POLD3: variants seen among roughly 807,000 people sequenced by gnomAD.
POLD3 encodes DNA polymerase delta subunit 3.
POLD3 carries 19 observed loss-of-function variants against 58.2 expected under a neutral mutation model. That is an observed-to-expected ratio of 0.33 (90% CI 0.23 to 0.48). The LOEUF is 0.48. Ranked by LOEUF, POLD3 falls within the 20% of genes least tolerant of loss-of-function variation. The pLI, the probability that POLD3 is intolerant of heterozygous loss-of-function variation, is 0.99. For missense variants in POLD3, 504 were observed against 545.5 expected, an observed-to-expected ratio of 0.92 and a Z score of 0.76; for synonymous variants, 172 against 193.5, an observed-to-expected ratio of 0.89 and a Z score of 0.92.
intron 3 of POLD3, among the ~76,000 whole-genome samples, chr11:74,609,373 T>TATATATATATATA (rs1491467177): frequency 2.4e-3 from 39 of 15,954 alleles, no homozygotes; most frequent in South Asian, 9.2e-3. Flanking sequence ...TATATATATA[T>TATATATATATATA]TTTTTTTTTT....
At chr11:74,656,521 A>G (rs2033137088) in intron 4 of POLD3, among the ~76,000 whole-genome samples, 1 of 152,070 alleles carries the variant, frequency 6.6e-6, no homozygotes, top group African/African-American at 2.4e-5. Context: ...CGGGAGGCGG[A>G]GGTTGCAGTG....
intron 2 of POLD3, among the ~76,000 whole-genome samples, chr11:74,599,120 C>G (rs1223777494): frequency 6.6e-6 from 1 of 152,132 alleles, no homozygotes; most frequent in Non-Finnish European, 1.5e-5. Flanking sequence ...TTAGCCATGA[C>G]CTCCTAGGCT....
At chr11:74,593,978 A>T (rs2031129701) in intron 1 of POLD3, 83 bp from the exon 2 acceptor site, 1 of 744,096 alleles carries the variant, frequency 1.3e-6, no homozygotes, top group South Asian at 1.6e-5. Context: ...TAAGAATAGG[A>T]ATCTTTAGCA....
In POLD3 at chr11:74,634,576, A is replaced by C; in HGVS notation, c.1007-7A>C. 1 of 1,489,952 alleles carries C rather than the reference A, an allele frequency of 6.7e-7. No homozygotes were observed. Among genetic ancestry groups the C allele is most frequent in the African/African-American group, 1.4e-5 (1 of 72,516 alleles). The allele number at this position is 1,489,952 out of a possible 1,614,324, so 92.3% of individuals were successfully genotyped here. ...TTCTCTGATCTAAGTCCGTTTCATTATTTCAGTCTTTCCAGACTCTCCTGG... is the reference window on the plus strand; with the variant it reads ...TTCTCTGATCTAAGTCCGTTTCATTCTTTCAGTCTTTCCAGACTCTCCTGG... On this transcript the variant is annotated splice_polypyrimidine_tract_variant and splice_region_variant and intron_variant, in intron 9 of 11. Transcript: ENST00000263681.
intron 5 of POLD3, among the ~76,000 whole-genome samples, chr11:74,616,400 A>T (rs548678568): frequency 1.3e-5 from 2 of 152,370 alleles, no homozygotes; most frequent in African/African-American, 4.8e-5. Context: ...AGGATTGAGC[A>T]GAGATCTCTT....
intron 2 of POLD3, among the ~76,000 whole-genome samples, chr11:74,599,268 G>A (rs768271249): frequency 6.6e-6 from 1 of 151,886 alleles, no homozygotes; most frequent in African/African-American, 2.4e-5. Context: ...CTGGACTCAA[G>A]CAGTCCTCCT....
chr11:74,635,789 A>T (rs911951972), intron 10 of POLD3, among the ~76,000 whole-genome samples: 3 of 152,228 alleles, frequency 2.0e-5, no homozygotes, highest in African/African-American at 7.2e-5. Context: ...TTTAGGGGCC[A>T]TCCCTGTGTA....
At chr11:74,654,381 T>C (rs925309195) in intron 4 of POLD3, among the ~76,000 whole-genome samples, 3 of 152,026 alleles carry the variant, frequency 2.0e-5, no homozygotes, top group Non-Finnish European at 4.4e-5. Flanking sequence ...CAAGAAGATA[T>C]AATACTCGTA....
chr11:74,602,421 T>C (rs1016867449), intron 2 of POLD3, among the ~76,000 whole-genome samples: 2 of 152,194 alleles, frequency 1.3e-5, no homozygotes, highest in Non-Finnish European at 2.9e-5. Context: ...AATTACAGCT[T>C]CCTTCTTTGG....
intron 2 of POLD3, among the ~76,000 whole-genome samples, chr11:74,600,993 A>G (rs2031475525): frequency 6.6e-6 from 1 of 152,166 alleles, no homozygotes; most frequent in Non-Finnish European, 1.5e-5. Context: ...TGCTGGGATT[A>G]CAGGTGTGAG....
At chr11:74,640,431 A>G (rs2032880005) in intron 11 of POLD3, 133 bp from the exon 12 acceptor site, 1 of 1,066,710 alleles carries the variant, frequency 9.4e-7, no homozygotes. Context: ...CAGTGGGAGA[A>G]AGATTGAGTC....
At chr11:74,596,030 A>ATT (rs55653832) in intron 2 of POLD3, among the ~76,000 whole-genome samples, 1 of 133,858 alleles carries the variant, frequency 7.5e-6, no homozygotes, top group African/African-American at 2.8e-5. Context: ...TTTTAATCTT[A>ATT]TTTTTTTTTT....
At chr11:74,632,960 ATCGTGG>A (rs2032639282) in intron 9 of POLD3, among the ~76,000 whole-genome samples, 1 of 143,556 alleles carries the variant, frequency 7.0e-6, no homozygotes, top group Non-Finnish European at 1.5e-5. Flanking sequence ...TGCCAGGGAA[ATCGTGG>A]TGTCTCTGCC....
Position 74,663,333 on chromosome 11 carries a change from C to A in POLD3, c.370-5444C>A, listed in dbSNP as rs756575115. ...TGGATCAATAGGTTCAAAGCAATGC[C>A]AATCAAATTTCTAGTAGGCTTTTTT... On this transcript the variant is annotated intron_variant, in intron 4 of 4. Transcript: ENST00000524752. 3.9e-5 allele frequency among the ~76,000 whole-genome samples: 6 copies of A among 152,148 alleles called. No homozygotes were observed. In the East Asian group the frequency reaches 1.2e-3, roughly 29 times the overall value.
In POLD3 at chr11:74,641,550, G is replaced by C. The variant is rs765273468; in HGVS notation, c.*784G>C. On this transcript the variant is annotated 3_prime_UTR_variant, in exon 12 of 12. Transcript: ENST00000263681. ...GAGGAGCTGCCGTGCTGCTGATACG[G>C]GGTGTGCTTTATGCTGCTCTTTGCG... The C allele has an allele frequency of 2.0e-6, 2 of 985,410 alleles. No homozygotes were observed. Among genetic ancestry groups the C allele is most frequent in the Non-Finnish European group, 2.4e-6 (2 of 829,934 alleles). 61.0% of individuals were successfully genotyped at this position (985,410 alleles called of 1,614,324 possible). A position where few individuals can be genotyped will look rare whatever the true frequency, so the allele number is the denominator to read the frequency against.
intron 7 of POLD3, among the ~76,000 whole-genome samples, chr11:74,624,238 T>C (rs530145623): frequency 6.6e-6 from 1 of 152,322 alleles, no homozygotes; most frequent in South Asian, 2.1e-4. Context: ...ATGTTTACTC[T>C]TCTATACAAT....
chr11:74,619,524 A>G (rs977417668), intron 6 of POLD3, among the ~76,000 whole-genome samples: 1 of 152,176 alleles, frequency 6.6e-6, no homozygotes, highest in Non-Finnish European at 1.5e-5. Flanking sequence ...AAATCCTCTT[A>G]TCAGTTCTGT....
chr11:74,641,403 C>T lies in POLD3; in HGVS notation c.*637C>T, dbSNP rs555825234. ...TTGTGTTCTGTTCCTTTCACAAAAG[C>T]TCTCTGGGACCTTCACTTGCAATTA... On this transcript the variant is annotated 3_prime_UTR_variant, in exon 12 of 12. Transcript: ENST00000263681. 94 of 985,440 alleles carry T rather than the reference C, an allele frequency of 9.5e-5. No homozygotes were observed. In the South Asian group the frequency reaches 3.5e-3, roughly 37 times the overall value. 61.0% of individuals were successfully genotyped at this position (985,440 alleles called of 1,614,324 possible). A position where few individuals can be genotyped will look rare whatever the true frequency, so the allele number is the denominator to read the frequency against.
intron 3 of POLD3, among the ~76,000 whole-genome samples, chr11:74,605,508 G>A (rs1003511730): frequency 7.2e-5 from 11 of 152,168 alleles, no homozygotes; most frequent in Admixed American, 6.5e-4. Flanking sequence ...CACCAAACTG[G>A]GCCTTGGGAA....
Sources: gnomAD v4.1 joint callset for allele counts (sites outside exome capture counted in the v4.1 genomes callset) on GRCh38, gnomAD v4.1.1 for gene constraint, MANE v1.5 for transcripts, NCBI Gene and HGNC (gene_info 2026-07-23, HGNC 2026-07-21) for gene names.